The following ZNF283 variants were observed in gnomAD, a reference collection of about 807,000 sequenced individuals.
The protein encoded by ZNF283 is zinc finger protein 283.
A neutral mutation model predicts 9.2 loss-of-function variants in ZNF283; 10 were observed. That is an observed-to-expected ratio of 1.09 (90% CI 0.67 to 1.85). ZNF283 has a LOEUF of 1.85. ZNF283 is among the 40% of genes most tolerant of loss of function. The pLI is 0.00. For missense variants in ZNF283, 631 were observed against 760.1 expected, an observed-to-expected ratio of 0.83 and a Z score of 2.00; for synonymous variants, 234 against 244.1, an observed-to-expected ratio of 0.96 and a Z score of 0.38.
intron 6 of ZNF283, among the ~76,000 whole-genome samples, chr19:43,841,803 A>C (rs1247206284): frequency 2.0e-5 from 3 of 152,066 alleles, no homozygotes; most frequent in Admixed American, 6.6e-5. Context: ...TTTTTCTTTT[A>C]GTTAGCTTCA....
chr19:43,840,276 C>T (rs1348224103), intron 6 of ZNF283, among the ~76,000 whole-genome samples: 1 of 152,092 alleles, frequency 6.6e-6, no homozygotes, highest in African/African-American at 2.4e-5. Flanking sequence ...ATAGATACTT[C>T]TGGGGAAAGC....
At position 43,847,565 on chromosome 19, in the gene ZNF283, A is replaced by G. The variant is rs761239281; in HGVS notation, c.964A>G (p.Lys322Glu). The G allele has an allele frequency of 6.9e-6, 11 of 1,603,116 alleles. No homozygotes were observed. In the South Asian group the frequency reaches 1.2e-4, roughly 18 times the overall value. ...TACTGGTGTGAAATCTTATAAATGT[A>G]AGGAATGTGGGAAGGCCTTTTTTTG... Reference protein sequence around the residue: ...IHTGVKSYKCKECGKAFFWGS... With the variant: ...IHTGVKSYKCEECGKAFFWGS... Residue 322 changes from lysine (K) to glutamate (E), a missense_variant, in exon 7 of 7, where the codon AAG (lysine) becomes GAG (glutamate). Physicochemically the swap from Lys to Glu is moderately conservative, Grantham distance 56. Around this residue, in one of 3 missense-constraint regions of ZNF283, gnomAD observed 444 missense variants for 522.5 expected, o/e 0.85. Coordinates refer to ENST00000618787, the MANE Select transcript of ZNF283 (RefSeq NM_181845.2).
chr19:43,837,009 GT>G lies in ZNF283; in HGVS notation c.211-40del, dbSNP rs768514524. ...TACCCTCTTTTTTCCTCTTGGAAATGTTTTCTTTAATTTCACAAGTAATACA... is the reference window on the plus strand; with the variant it reads ...TACCCTCTTTTTTCCTCTTGGAAATGTTTCTTTAATTTCACAAGTAATACA... On this transcript the variant is annotated intron_variant, in intron 5 of 6. Coordinates refer to ENST00000618787, the MANE Select transcript of ZNF283 (RefSeq NM_181845.2). 3.7e-6 allele frequency: 6 copies of G among 1,607,172 alleles called. No homozygotes were observed. The Admixed American group carries it at 1.0e-4, about 27-fold the overall frequency.
At position 43,851,007 on chromosome 19, in the gene ZNF283, T is replaced by C. The variant is rs1289277893; in HGVS notation, c.*2366T>C. ...ACCTGACCTCTCTATTTTGTGCACA[T>C]AGGGGATTCGTAATATCACTGTTCA... On this transcript the variant is annotated 3_prime_UTR_variant, in exon 7 of 7. Coordinates refer to ENST00000618787, the MANE Select transcript of ZNF283 (RefSeq NM_181845.2). The C allele has an allele frequency of 6.6e-6, 1 of 152,176 alleles. No individual in the cohort carries two copies. Among genetic ancestry groups the C allele is most frequent in the Admixed American group, 6.5e-5 (1 of 15,276 alleles). 9.4% of individuals were successfully genotyped at this position (152,176 alleles called of 1,614,324 possible).
In ZNF283 at chr19:43,847,947, A is replaced by G; in HGVS notation, c.1346A>G (p.His449Arg). 1.2e-6 allele frequency: 2 copies of G among 1,613,966 alleles called. No individual in the cohort carries two copies. Among genetic ancestry groups the G allele is most frequent in the Non-Finnish European group, 1.7e-6 (2 of 1,179,936 alleles). Residue 449 changes from histidine (H) to arginine (R), a missense_variant, in exon 7 of 7, where the codon CAT becomes CGT. By Grantham distance (29) the His-to-Arg change is conservative. Coordinates refer to ENST00000618787, the MANE Select transcript of ZNF283 (RefSeq NM_181845.2). ...AGTCGTGGCTATCACCTTTCTCAAC[A>G]TCAGAAAATCCATACTGGTGAGAAA... is the stretch of plus-strand genomic sequence containing the variant. ...AFSRGYHLSQHQKIHTGEKPF... is the reference protein window; with the variant it reads ...AFSRGYHLSQRQKIHTGEKPF...
rs1971503644 is a variant in ZNF283, at chr19:43,848,344, T to C, written c.1743T>C (p.Ser581=). The C allele has an allele frequency of 1.2e-6, 2 of 1,613,540 alleles. No individual in the cohort carries two copies. The highest frequency in any genetic ancestry group is 1.7e-6 in the Non-Finnish European group (2 of 1,179,846). Residue 581 remains serine (S), a synonymous_variant, in exon 7 of 7, where the codon AGT becomes AGC. Coordinates refer to ENST00000618787, the MANE Select transcript of ZNF283 (RefSeq NM_181845.2). ...GTAAGGAATGTGGGAAGGCCTTCAG[T>C]TGGGGTTCAAGCCTAGTTAAGCATG... ...FKCKECGKAF[S]WGSSLVKHER...
intron 6 of ZNF283, among the ~76,000 whole-genome samples, chr19:43,845,890 C>T (rs950965456): frequency 1.3e-5 from 2 of 151,922 alleles, no homozygotes; most frequent in Non-Finnish European, 1.5e-5. Flanking sequence ...GCTTTATTTT[C>T]AATTTTAAAA....
At chr19:43,841,604 T>C (rs1306168334) in intron 6 of ZNF283, 1 of 152,138 alleles carries the variant, frequency 6.6e-6, no homozygotes, top group Non-Finnish European at 1.5e-5. Context: ...GACTAGTTTT[T>C]GTATTTTTAG....
Position 43,847,420 on chromosome 19 carries a change from CT to C in ZNF283, c.820del (p.Trp274GlyfsTer43). 1.9e-6 allele frequency: 3 copies of C among 1,612,512 alleles called. No individual in the cohort carries two copies. The highest frequency in any genetic ancestry group is 2.5e-6 in the Non-Finnish European group (3 of 1,179,458). The stretch of plus-strand genomic sequence containing the variant: ...GTAAGGAATGTGGGAAGACCTTTAG[CT>C]GGGGATCAAGCCTTGTTAAACATGA... ...ECKECGKTFS[W>X]GSSLVKHERI... On this transcript the variant is annotated frameshift_variant, in exon 7 of 7. Coordinates refer to ENST00000618787, the MANE Select transcript of ZNF283 (RefSeq NM_181845.2). LOFTEE classifies it low-confidence loss of function (END_TRUNC).
Position 43,848,785 on chromosome 19 carries a change from C to T in ZNF283, c.*144C>T, listed in dbSNP as rs963648032. 8 of 711,378 alleles carry T rather than the reference C, an allele frequency of 1.1e-5. No homozygotes were observed. The highest frequency in any genetic ancestry group is 9.8e-5 in the Admixed American group (3 of 30,636). The allele number at this position is 711,378 out of a possible 1,614,324, so 44.1% of individuals were successfully genotyped here. A position where few individuals can be genotyped will look rare whatever the true frequency, so the allele number is the denominator to read the frequency against. Reference sequence around the variant, plus strand: ...TATGGGCAATTATCTTGCTATCCAGCAATTCATACTAGTGAGAAATATTTT... The same window carrying T: ...TATGGGCAATTATCTTGCTATCCAGTAATTCATACTAGTGAGAAATATTTT... On this transcript the variant is annotated 3_prime_UTR_variant, in exon 7 of 7. Transcript: ENST00000618787.
rs1052504096 is a variant in ZNF283, at chr19:43,850,847, A to C, written c.*2206A>C. 3 of 152,248 alleles carry C rather than the reference A, an allele frequency of 2.0e-5. No homozygotes were observed. Among genetic ancestry groups the C allele is most frequent in the Non-Finnish European group, 2.9e-5 (2 of 68,044 alleles). The allele number at this position is 152,248 out of a possible 1,614,324, so 9.4% of individuals were successfully genotyped here. A position where few individuals can be genotyped will look rare whatever the true frequency, so the allele number is the denominator to read the frequency against. Reference sequence around the variant, plus strand: ...CAAGGCAGGTTAGTTATGAAGAAATAGAGTGTGTGTTTATATACTCACACA... The same window carrying C: ...CAAGGCAGGTTAGTTATGAAGAAATCGAGTGTGTGTTTATATACTCACACA... On this transcript the variant is annotated 3_prime_UTR_variant, in exon 7 of 7. Coordinates refer to ENST00000618787, the MANE Select transcript of ZNF283 (RefSeq NM_181845.2).
chr19:43,828,536 G>A (rs1397135547), intron 2 of ZNF283, among the ~76,000 whole-genome samples: 1 of 152,076 alleles, frequency 6.6e-6, no homozygotes, highest in Non-Finnish European at 1.5e-5. Context: ...TTATAGAAAG[G>A]CACCTCTTGT....
rs1472622812 is a variant in ZNF283 at position 43,847,858 on chromosome 19, T to C, written c.1257T>C (p.Ile419=). 4 of 1,613,414 alleles carry C rather than the reference T, an allele frequency of 2.5e-6. No individual in the cohort carries two copies. The highest frequency in any genetic ancestry group is 3.4e-6 in the Non-Finnish European group (4 of 1,179,852). The change falls in exon 7 of 7, where the codon ATT becomes ATC. Residue 419 remains isoleucine (I), a synonymous_variant. Coordinates refer to ENST00000618787, the MANE Select transcript of ZNF283 (RefSeq NM_181845.2). ...GKAFNCGSSL[I]QHERIHTGEK... The stretch of plus-strand genomic sequence containing the variant: ...CTTTTAATTGCGGATCAAGTCTTAT[T>C]CAACATGAAAGAATTCATACTGGTG...
chr19:43,833,480 A>G (rs868597427), intron 3 of ZNF283, 25 bp from the exon 4 acceptor site: 3 of 98,634 alleles, frequency 3.0e-5, no homozygotes, highest in South Asian at 8.8e-5. Flanking sequence ...TTCTTTACCT[A>G]TTTCTTTTTT....
chr19:43,848,688 T>G lies in ZNF283; in HGVS notation c.*47T>G. On this transcript the variant is annotated 3_prime_UTR_variant, in exon 7 of 7. Transcript: ENST00000618787. ...TTTGTGTGTGTGTATAGACAACTTA[T>G]CATAATAAGAACTCTTACTCTTGAG... 6.8e-7 allele frequency: 1 copy of G among 1,479,128 alleles called. No individual in the cohort carries two copies. Among genetic ancestry groups the G allele is most frequent in the Non-Finnish European group, 9.0e-7 (1 of 1,112,264 alleles). 91.6% of individuals were successfully genotyped at this position (1,479,128 alleles called of 1,614,324 possible). A position where few individuals can be genotyped will look rare whatever the true frequency, so the allele number is the denominator to read the frequency against.
At chr19:43,832,933 T>C (rs1274026006) in intron 3 of ZNF283, among the ~76,000 whole-genome samples, 1 of 147,050 alleles carries the variant, frequency 6.8e-6, no homozygotes, top group South Asian at 2.1e-4. Context: ...GAGGCTGAGG[T>C]AGGAGGATCA....
chr19:43,848,839 G>T lies in ZNF283; in HGVS notation c.*198G>T. 1 of 474,580 alleles carries T rather than the reference G, an allele frequency of 2.1e-6. No homozygotes were observed. The highest frequency in any genetic ancestry group is 3.6e-6 in the Non-Finnish European group (1 of 274,980). 29.4% of individuals were successfully genotyped at this position (474,580 alleles called of 1,614,324 possible). A position where few individuals can be genotyped will look rare whatever the true frequency, so the allele number is the denominator to read the frequency against. On this transcript the variant is annotated 3_prime_UTR_variant, in exon 7 of 7. Coordinates refer to ENST00000618787, the MANE Select transcript of ZNF283 (RefSeq NM_181845.2). ...TATAATTAATATGAAAAGGCCTTTA[G>T]ACTTCTGTACAGTCTTATTGGATAT...
intron 6 of ZNF283, among the ~76,000 whole-genome samples, chr19:43,841,207 A>G (rs1468526554): frequency 6.6e-6 from 1 of 151,992 alleles, no homozygotes; most frequent in Admixed American, 6.6e-5. Context: ...TTCATCAAGT[A>G]TTTTTTAGTA....
Position 43,850,692 on chromosome 19 carries a change from G to A in ZNF283, c.*2051G>A, listed in dbSNP as rs913484678. The stretch of plus-strand genomic sequence containing the variant: ...TGCACCTGCCTCAGCCTCCCAAAGT[G>A]TTGGGATTACAGGTGTGAGACACTG... On this transcript the variant is annotated 3_prime_UTR_variant, in exon 7 of 7. Coordinates refer to ENST00000618787, the MANE Select transcript of ZNF283 (RefSeq NM_181845.2). 1 of 152,122 alleles carries A rather than the reference G, an allele frequency of 6.6e-6. No individual in the cohort carries two copies. Among genetic ancestry groups the A allele is most frequent in the Non-Finnish European group, 1.5e-5 (1 of 68,044 alleles). 9.4% of individuals were successfully genotyped at this position (152,122 alleles called of 1,614,324 possible).
Sources: allele counts gnomAD v4.1 joint callset (sites outside exome capture counted in the v4.1 genomes callset), GRCh38; gene constraint gnomAD v4.1.1; regional missense constraint gnomAD v4.1.1; transcripts MANE v1.5; gene names NCBI Gene and HGNC (gene_info 2026-07-23, HGNC 2026-07-21).